The following ARMH3 variants were observed in gnomAD, a reference collection of about 807,000 sequenced individuals.
ARMH3 encodes armadillo-like helical domain-containing protein 3.
ARMH3 carries 60 observed loss-of-function variants against 99.1 expected under a neutral mutation model. The observed-to-expected ratio is 0.61, with a 90% CI of 0.49 to 0.75. The LOEUF (loss-of-function observed/expected upper bound fraction) is 0.75, where lower values mean the gene tolerates loss of function less well. Ranked by LOEUF, ARMH3 falls within the 30% of genes least tolerant of loss-of-function variation. The pLI, the probability that ARMH3 is intolerant of heterozygous loss-of-function variation, is 0.00. For missense variants in ARMH3, 679 were observed against 843.1 expected (o/e 0.81, Z 2.41); for synonymous variants, 285 against 292.8 (o/e 0.97, Z 0.27).
At chr10:101,959,970 G>A (rs1032121497) in intron 20 of ARMH3, among the ~76,000 whole-genome samples, 2 of 152,172 alleles carry the variant, frequency 1.3e-5, no homozygotes, top group African/African-American at 4.8e-5. Context: ...CTGAGTTCAG[G>A]AGTTCGAGAA....
intron 14 of ARMH3, among the ~76,000 whole-genome samples, chr10:102,006,183 T>C (rs1425643006): frequency 2.0e-5 from 3 of 152,230 alleles, no homozygotes; most frequent in Non-Finnish European, 4.4e-5. Flanking sequence ...ATTTCAGTGC[T>C]TTATAATCAC....
chr10:101,906,623 A>C (rs887641497), intron 23 of ARMH3, among the ~76,000 whole-genome samples: 2 of 152,228 alleles, frequency 1.3e-5, no homozygotes, highest in African/African-American at 4.8e-5. Flanking sequence ...AAAGTAACTG[A>C]GATTTCTACT....
intron 23 of ARMH3, among the ~76,000 whole-genome samples, chr10:101,901,827 T>C (rs2067987938): frequency 6.6e-6 from 1 of 152,158 alleles, no homozygotes; most frequent in Non-Finnish European, 1.5e-5. Flanking sequence ...AAATAAAGAA[T>C]AAACAAGCTG....
chr10:101,957,724 T>C lies in ARMH3; in HGVS notation c.1504A>G (p.Asn502Asp), dbSNP rs748600538. ...TWRELWSALI[N>D]LLKFLMSNET... ...TTTGACATAAGGAACTTCAGCAAATTTATCAAGGCTTTAAAAAAAAAAAAA... is the reference window on the plus strand; with the variant it reads ...TTTGACATAAGGAACTTCAGCAAATCTATCAAGGCTTTAAAAAAAAAAAAA... Residue 502 changes from asparagine to aspartate, a missense_variant, in exon 21 of 26, where the codon AAT (asparagine) becomes GAT (aspartate). Physicochemically the swap from Asn to Asp is conservative, Grantham distance 23. Around this residue, in one of 3 missense-constraint regions of ARMH3, gnomAD observed 389 missense variants for 456.5 expected, o/e 0.85. Coordinates refer to ENST00000370033, the MANE Select transcript of ARMH3 (RefSeq NM_024541.3). 2 of 1,514,738 alleles carry C rather than the reference T, an allele frequency of 1.3e-6. No individual in the cohort carries two copies. Among genetic ancestry groups the C allele is most frequent in the Admixed American group, 4.4e-5 (2 of 45,726 alleles). 93.8% of individuals were successfully genotyped at this position (1,514,738 alleles called of 1,614,324 possible).
intron 23 of ARMH3, among the ~76,000 whole-genome samples, chr10:101,905,502 G>A (rs1382224150): frequency 6.6e-6 from 1 of 152,202 alleles, no homozygotes; most frequent in African/African-American, 2.4e-5. Context: ...AAGCTTTCAA[G>A]GAAGGTTACA....
chr10:102,017,167 A>C (rs1350606728), intron 8 of ARMH3, among the ~76,000 whole-genome samples: 1 of 152,128 alleles, frequency 6.6e-6, no homozygotes, highest in Non-Finnish European at 1.5e-5. Context: ...TTTGCACAGA[A>C]TTTCACCAGC....
intron 1 of ARMH3, among the ~76,000 whole-genome samples, chr10:102,050,219 G>C (rs1333777246): frequency 1.3e-5 from 2 of 151,884 alleles, no homozygotes; most frequent in Non-Finnish European, 2.9e-5. Context: ...GAGGAGGGCA[G>C]ATCACAAGGT....
chr10:101,948,106 G>A (rs1044364800), intron 22 of ARMH3, among the ~76,000 whole-genome samples: 8 of 152,166 alleles, frequency 5.3e-5, no homozygotes, highest in South Asian at 2.1e-4. Context: ...ATTGATTATC[G>A]CATTGTAAAT....
chr10:101,994,301 T>C (rs901160823), intron 16 of ARMH3, among the ~76,000 whole-genome samples: 11 of 152,196 alleles, frequency 7.2e-5, no homozygotes, highest in Admixed American at 5.2e-4. Flanking sequence ...AAAGCAATTA[T>C]ACCAGGCCCA....
At chr10:101,952,697 G>A (rs912518571) in intron 22 of ARMH3, 1 of 152,108 alleles carries the variant, frequency 6.6e-6, no homozygotes, top group African/African-American at 2.4e-5. Context: ...TCTACTTTTG[G>A]AGGCGCCCCT....
intron 8 of ARMH3, among the ~76,000 whole-genome samples, chr10:102,020,847 C>CAA (rs1332174201): frequency 2.7e-4 from 18 of 67,582 alleles, no homozygotes; most frequent in South Asian, 5.0e-4. Context: ...GACTCTGTCT[C>CAA]AAAAAAAAAA....
At chr10:101,991,365 A>C (rs562487700) in intron 18 of ARMH3, among the ~76,000 whole-genome samples, 177 of 152,020 alleles carry the variant, frequency 1.2e-3, no homozygotes, top group African/African-American at 4.0e-3. Flanking sequence ...ATCAATTCAA[A>C]CCAAGAAAGG....
chr10:101,982,399 C>T (rs1846276192), intron 19 of ARMH3, among the ~76,000 whole-genome samples: 1 of 152,052 alleles, frequency 6.6e-6, no homozygotes, highest in Admixed American at 6.6e-5. Flanking sequence ...AAGAAAAAAA[C>T]ATGTATTTTA....
chr10:102,003,416 G>T (rs983276477), intron 14 of ARMH3, among the ~76,000 whole-genome samples: 1 of 152,114 alleles, frequency 6.6e-6, no homozygotes, highest in Non-Finnish European at 1.5e-5. Context: ...CCCACCTCGG[G>T]CCTCCCAAAG....
chr10:101,931,665 C>T (rs1361934930), intron 23 of ARMH3, among the ~76,000 whole-genome samples: 2 of 152,066 alleles, frequency 1.3e-5, no homozygotes, highest in Admixed American at 6.6e-5. Flanking sequence ...TACCCGTAGT[C>T]CTTGCTACTA....
chr10:101,887,530 A>G (rs529731415), intron 24 of ARMH3, among the ~76,000 whole-genome samples: 1 of 150,584 alleles, frequency 6.6e-6, no homozygotes, highest in East Asian at 1.9e-4. Context: ...CAGCCTCCCA[A>G]GTTGCTGGGA....
chr10:101,889,887 C>A (rs2067645909), intron 23 of ARMH3, among the ~76,000 whole-genome samples: 1 of 152,104 alleles, frequency 6.6e-6, no homozygotes, highest in African/African-American at 2.4e-5. Context: ...TAAAGCTGGG[C>A]CAACAACATA....
At position 102,033,170 on chromosome 10, in the gene ARMH3, C is replaced by G. The variant is rs202193305; in HGVS notation, c.162G>C (p.Val54=). The G allele has an allele frequency of 5.6e-6, 9 of 1,614,170 alleles. No individual in the cohort carries two copies. Among genetic ancestry groups the G allele is most frequent in the South Asian group, 4.4e-5 (4 of 91,078 alleles). The part of the protein sequence containing the change: ...RFWEELFLMK[V]NLEYLEGKLE... The stretch of plus-strand genomic sequence containing the variant: ...GCTTGCCTTCTAGGTACTCTAAATT[C>G]ACCTGCCAAGGAAACAAATAAGGGG... Residue 54 remains valine, a splice_region_variant and synonymous_variant, in exon 4 of 26, where the codon GTG becomes GTC. Transcript: ENST00000370033.
chr10:101,892,679 A>G (rs1419558880), intron 23 of ARMH3, among the ~76,000 whole-genome samples: 1 of 152,228 alleles, frequency 6.6e-6, no homozygotes, highest in East Asian at 1.9e-4. Context: ...GCAGCCATAT[A>G]AGAAATATTT....
Sources: gnomAD v4.1 joint callset for allele counts (sites outside exome capture counted in the v4.1 genomes callset) on GRCh38, gnomAD v4.1.1 for gene constraint, gnomAD v4.1.1 regional missense constraint, MANE v1.5 for transcripts, NCBI Gene and HGNC (gene_info 2026-07-23, HGNC 2026-07-21) for gene names.